Variants in PTCHD1 observed in about 807,000 individuals in gnomAD.
PTCHD1 encodes patched domain-containing protein 1.
Under a neutral mutation model 34.6 loss-of-function variants are expected in PTCHD1, and 3 were observed. The observed-to-expected ratio is 0.09, with a 90% CI of 0.04 to 0.22. The LOEUF (loss-of-function observed/expected upper bound fraction) is 0.22, where lower values mean the gene tolerates loss of function less well. Ranked by LOEUF, PTCHD1 falls within the 10% of genes least tolerant of loss-of-function variation. PTCHD1 has a pLI of 1.00. For missense variants in PTCHD1, 504 were observed against 685.5 expected (o/e 0.74, Z 2.96); for synonymous variants, 305 against 283.1 (o/e 1.08, Z -0.77).
intron 2 of PTCHD1, among the ~76,000 whole-genome samples, chrX:23,383,904 T>C (rs1332891833): frequency 8.9e-6 from 1 of 112,584 alleles, no homozygotes; most frequent in Non-Finnish European, 1.9e-5. Flanking sequence ...TGTGAATATA[T>C]GATGCTAATT....
At chrX:23,383,186 T>C (rs1946557454) in intron 2 of PTCHD1, among the ~76,000 whole-genome samples, 1 of 112,291 alleles carries the variant, frequency 8.9e-6, no homozygotes, top group Admixed American at 9.4e-5. Context: ...CCTAAGCAGA[T>C]TTAAGCAAAA....
chrX:23,359,409 G>A (rs1042939886), intron 1 of PTCHD1, among the ~76,000 whole-genome samples: 76 of 111,578 alleles, frequency 6.8e-4, no homozygotes, highest in Non-Finnish European at 7.9e-4. Context: ...TCTTTGTAGC[G>A]ATTGTGAATG....
At chrX:23,346,409 G>C (rs1009759224) in intron 1 of PTCHD1, among the ~76,000 whole-genome samples, 51 of 111,459 alleles carry the variant, frequency 4.6e-4, no homozygotes, top group African/African-American at 1.7e-3. Context: ...GATGGGGTCA[G>C]TGGATACAAC....
At chrX:23,389,396 C>A (rs746168990) in intron 2 of PTCHD1, among the ~76,000 whole-genome samples, 1 of 112,104 alleles carries the variant, frequency 8.9e-6, no homozygotes, top group South Asian at 3.7e-4. Flanking sequence ...TAAGAGGTGA[C>A]CACAGCTATG....
intron 1 of PTCHD1, among the ~76,000 whole-genome samples, chrX:23,363,945 C>G (rs1012582077): frequency 1.8e-5 from 2 of 112,320 alleles, no homozygotes; most frequent in Non-Finnish European, 3.8e-5. Flanking sequence ...CTGGAAACAA[C>G]CCAAAGGTCC....
intron 1 of PTCHD1, among the ~76,000 whole-genome samples, chrX:23,364,407 CACACACA>C (rs1391333792): frequency 1.9e-5 from 2 of 102,565 alleles, no homozygotes; most frequent in Non-Finnish European, 4.1e-5. Context: ...CACACACACA[CACACACA>C]CCGTATTCAG....
At chrX:23,361,993 C>A (rs1471068933) in intron 1 of PTCHD1, among the ~76,000 whole-genome samples, 1 of 112,670 alleles carries the variant, frequency 8.9e-6, no homozygotes, top group African/African-American at 3.2e-5. Context: ...TCTCTTCTGG[C>A]TTGTAGAGTT....
intron 1 of PTCHD1, 59 bp downstream of exon 1, chrX:23,335,285 T>C: frequency 1.0e-6 from 1 of 979,806 alleles, no homozygotes; most frequent in Non-Finnish European, 1.4e-6. Context: ...TCGGGCTGGC[T>C]CTGCGCTGGG....
chrX:23,358,537 C>T (rs1314146295), intron 1 of PTCHD1, among the ~76,000 whole-genome samples: 1 of 111,652 alleles, frequency 9.0e-6, no homozygotes, highest in Non-Finnish European at 1.9e-5. Context: ...ATTGTAGATT[C>T]TGGATATTAG....
In PTCHD1 at chrX:23,402,729, C is replaced by T. The variant is rs985484310; in HGVS notation, c.*8544C>T. 8.9e-6 allele frequency: 1 copy of T among 112,017 alleles called. No individual in the cohort carries two copies. The highest frequency in any genetic ancestry group is 1.9e-5 in the Non-Finnish European group (1 of 53,205). 9.2% of individuals were successfully genotyped at this position (112,017 alleles called of 1,213,427 possible). On this transcript the variant is annotated 3_prime_UTR_variant, in exon 3 of 3. Transcript: ENST00000379361. ...AATTATTGAATTATTGAATGCTAGG[C>T]CCAAACAAAAGAAATTTCAGCTTGG...
intron 1 of PTCHD1, among the ~76,000 whole-genome samples, chrX:23,337,656 A>G (rs1457456480): frequency 1.8e-5 from 2 of 111,289 alleles, no homozygotes; most frequent in Non-Finnish European, 3.8e-5. Flanking sequence ...GATAGCATTG[A>G]CAGTTAACAC....
intron 1 of PTCHD1, among the ~76,000 whole-genome samples, chrX:23,373,749 G>A (rs368015654): frequency 3.6e-5 from 4 of 112,030 alleles, no homozygotes; most frequent in East Asian, 2.8e-4. Flanking sequence ...GTTTTCTTGC[G>A]TCCTGAGTGA....
chrX:23,343,739 C>T (rs1486686143), intron 1 of PTCHD1, among the ~76,000 whole-genome samples: 1 of 112,294 alleles, frequency 8.9e-6, no homozygotes, highest in Non-Finnish European at 1.9e-5. Flanking sequence ...AATTTTTCAG[C>T]GTGGAAGATA....
At chrX:23,350,060 TAAAA>T (rs57194123) in intron 1 of PTCHD1, among the ~76,000 whole-genome samples, 105 of 40,409 alleles carry the variant, frequency 2.6e-3, no homozygotes, top group African/African-American at 0.011. Context: ...TTAGTGCTGT[TAAAA>T]AAAAAAAAAA....
rs779436218 is a variant in PTCHD1 at position 23,394,656 on chromosome X, T to A, written c.*471T>A. The A allele has an allele frequency of 8.3e-6, 1 of 120,991 alleles. No homozygotes were observed. The highest frequency in any genetic ancestry group is 3.2e-5 in the African/African-American group (1 of 31,047). The allele number at this position is 120,991 out of a possible 1,213,427, so 10.0% of individuals were successfully genotyped here. ...AACTTCTGTAGAGCAGTAGCTCCAG[T>A]CATGGTCTGTGGTTTGAGGTTTTAG... On this transcript the variant is annotated 3_prime_UTR_variant, in exon 3 of 3. Transcript: ENST00000379361.
intron 1 of PTCHD1, among the ~76,000 whole-genome samples, chrX:23,370,865 A>G (rs1922258293): frequency 9.0e-6 from 1 of 111,563 alleles, no homozygotes; most frequent in Non-Finnish European, 1.9e-5. Flanking sequence ...AAGATTTCTG[A>G]GATCCTTCCT....
chrX:23,353,321 T>A (rs1170192956), intron 1 of PTCHD1, among the ~76,000 whole-genome samples: 1 of 112,873 alleles, frequency 8.9e-6, no homozygotes, highest in Admixed American at 9.3e-5. Flanking sequence ...GCACAGTGGC[T>A]CATGCCTGTA....
intron 1 of PTCHD1, among the ~76,000 whole-genome samples, chrX:23,342,283 TA>T (rs1921338292): frequency 1.1e-4 from 1 of 9,381 alleles, no homozygotes; most frequent in Non-Finnish European, 2.1e-4. Context: ...TATATATATA[TA>T]TATATATATA....
chrX:23,362,552 T>G lies in PTCHD1; in HGVS notation c.352-17039T>G, dbSNP rs138033882. On this transcript the variant is annotated intron_variant, in intron 1 of 2. Transcript: ENST00000379361. Reference sequence around the variant, plus strand: ...TAATCTTTTTTCAATGTTTTTAGCTTCCTTGCAATGGGTTCGAACATCCTC... The same window carrying G: ...TAATCTTTTTTCAATGTTTTTAGCTGCCTTGCAATGGGTTCGAACATCCTC... Among the ~76,000 whole-genome samples the G allele has an allele frequency of 1.5e-4, 17 of 112,149 alleles. No individual in the cohort carries two copies. In the East Asian group the frequency reaches 4.5e-3, roughly 30 times the overall value.
Sources: gnomAD v4.1 joint callset for allele counts (sites outside exome capture counted in the v4.1 genomes callset) on GRCh38, gnomAD v4.1.1 for gene constraint, MANE v1.5 for transcripts, NCBI Gene and HGNC (gene_info 2026-07-23, HGNC 2026-07-21) for gene names.